ATP6V1G3: variants seen among roughly 807,000 people sequenced by gnomAD.
ATP6V1G3 encodes the protein V-type proton ATPase subunit G 3.
ATP6V1G3 carries 9 observed loss-of-function variants against 9.3 expected under a neutral mutation model. The observed-to-expected ratio is 0.97, with a 90% CI of 0.59 to 1.69. The LOEUF (loss-of-function observed/expected upper bound fraction) is 1.69. Among genes scored for constraint, ATP6V1G3 ranks in the 40% most tolerant of loss-of-function variants. The pLI, the probability that ATP6V1G3 is intolerant of heterozygous loss-of-function variation, is 0.00. For missense variants in ATP6V1G3, 133 were observed against 139.0 expected, an observed-to-expected ratio of 0.96 and a Z score of 0.22; for synonymous variants, 43 against 43.8, an observed-to-expected ratio of 0.98 and a Z score of 0.07.
At position 198,529,108 on chromosome 1, in the gene ATP6V1G3, A is replaced by G. The variant is rs1219714753; in HGVS notation, c.156T>C (p.Asp52=). The change falls in exon 2 of 3, where the codon GAT becomes GAC. Residue 52 remains aspartate (D), a synonymous_variant. Transcript: ENST00000367382. Reference sequence around the variant, plus strand: ...TAGATTGTTTTAGTCGAAACTCTTTATCTCTCTGCATTCTGTACTGGTCAA... The same window carrying G: ...TAGATTGTTTTAGTCGAAACTCTTTGTCTCTCTGCATTCTGTACTGGTCAA... ...VEIDQYRMQR[D]KEFRLKQSKI... 6.5e-7 allele frequency: 1 copy of G among 1,541,666 alleles called. No homozygotes were observed. The highest frequency in any genetic ancestry group is 8.8e-7 in the Non-Finnish European group (1 of 1,139,486).
In ATP6V1G3 at chr1:198,532,078, G is replaced by T. The variant is rs543291776; in HGVS notation, c.83-2897C>A. Among the ~76,000 whole-genome samples the T allele has an allele frequency of 1.0e-3, 157 of 152,224 alleles. 3 individuals carry two copies. The South Asian group carries it at 0.025, about 24-fold the overall frequency. Reference sequence around the variant, plus strand: ...CCTGAGGATATTTAATTGGAGGTATGCAGACGACAGCTGGGGAGACAAAAT... The same window carrying T: ...CCTGAGGATATTTAATTGGAGGTATTCAGACGACAGCTGGGGAGACAAAAT... On this transcript the variant is annotated intron_variant, in intron 1 of 2. Transcript: ENST00000367382.
At chr1:198,538,409 A>G (rs559122705) in intron 1 of ATP6V1G3, among the ~76,000 whole-genome samples, 137 of 152,302 alleles carry the variant, frequency 9.0e-4, no homozygotes, top group Middle Eastern at 3.4e-3. Flanking sequence ...GCTTGCATGT[A>G]TAGCAATTCT....
chr1:198,527,690 G>A (rs1558176901), intron 2 of ATP6V1G3, among the ~76,000 whole-genome samples: 1 of 152,134 alleles, frequency 6.6e-6, no homozygotes, highest in Non-Finnish European at 1.5e-5. Flanking sequence ...TGTCTACTGT[G>A]TGGCAGGCAC....
At chr1:198,531,106 A>G (rs969813211) in intron 1 of ATP6V1G3, among the ~76,000 whole-genome samples, 2 of 152,078 alleles carry the variant, frequency 1.3e-5, no homozygotes. Context: ...TGACAGGCTC[A>G]GAGCGTGTCT....
intron 1 of ATP6V1G3, among the ~76,000 whole-genome samples, chr1:198,538,986 CTT>C (rs1660239963): frequency 6.6e-6 from 1 of 151,968 alleles, no homozygotes; most frequent in Admixed American, 6.5e-5. Context: ...TCCTGAACTG[CTT>C]TGTTTTCTAT....
chr1:198,529,302 G>A (rs1018721146), intron 1 of ATP6V1G3, 121 bp from the exon 2 acceptor site: 19 of 219,862 alleles, frequency 8.6e-5, no homozygotes, highest in South Asian at 7.0e-4. Context: ...TGTTACACAC[G>A]TATGCATATG....
intron 1 of ATP6V1G3, 26 bp downstream of exon 1, chr1:198,540,543 A>G (rs1424838023): frequency 5.0e-6 from 8 of 1,602,534 alleles, no homozygotes; most frequent in Non-Finnish European, 6.8e-6. Flanking sequence ...TTATTTCGTG[A>G]CAGACCCCTC....
intron 2 of ATP6V1G3, among the ~76,000 whole-genome samples, chr1:198,526,147 G>A: frequency 6.6e-6 from 1 of 152,070 alleles, no homozygotes; most frequent in Middle Eastern, 3.2e-3. Flanking sequence ...TTCCTATGCA[G>A]TACTATAACA....
chr1:198,527,090 C>T (rs1187800049), intron 2 of ATP6V1G3, among the ~76,000 whole-genome samples: 2 of 152,112 alleles, frequency 1.3e-5, no homozygotes, highest in Non-Finnish European at 2.9e-5. Context: ...AAAGTAACAT[C>T]AAGATACAAC....
intron 2 of ATP6V1G3, among the ~76,000 whole-genome samples, chr1:198,525,211 T>C (rs565662802): frequency 6.6e-4 from 100 of 152,314 alleles, no homozygotes; most frequent in African/African-American, 2.4e-3. Context: ...TCAAAATTTT[T>C]CCTCTAAATT....
intron 2 of ATP6V1G3, among the ~76,000 whole-genome samples, chr1:198,525,988 A>G (rs1170959420): frequency 2.0e-5 from 3 of 152,170 alleles, no homozygotes; most frequent in Admixed American, 6.6e-5. Flanking sequence ...TTTTACTTGT[A>G]CTTTTCAAAT....
At chr1:198,538,188 G>GA (rs1186340072) in intron 1 of ATP6V1G3, among the ~76,000 whole-genome samples, 11 of 151,904 alleles carry the variant, frequency 7.2e-5, no homozygotes, top group African/African-American at 2.7e-4. Context: ...GGTAGATTAA[G>GA]AAAAAAATAT....
At chr1:198,529,218 T>TTA in intron 1 of ATP6V1G3, 37 bp from the exon 2 acceptor site, 1 of 388,508 alleles carries the variant, frequency 2.6e-6, no homozygotes. Flanking sequence ...ATATATATAA[T>TTA]TATATATATC....
At chr1:198,529,058 A>T in intron 2 of ATP6V1G3, 23 bp downstream of exon 2, 2 of 1,146,264 alleles carry the variant, frequency 1.7e-6, no homozygotes, top group South Asian at 2.7e-5. Context: ...TGCATAAGAA[A>T]CAGTGCTGAC....
chr1:198,540,652 G>A lies in ATP6V1G3; in HGVS notation c.-2C>T, dbSNP rs1389547265. ...GATCCCCTGAGACTGGCTTGTCATG[G>A]TAGTCTGCTCCAAGCAAGTGGCTTC... is the stretch of plus-strand genomic sequence containing the variant. On this transcript the variant is annotated 5_prime_UTR_variant, in exon 1 of 3. Coordinates refer to ENST00000367382, the MANE Select transcript of ATP6V1G3 (RefSeq NM_001376861.1). The A allele has an allele frequency of 6.2e-7, 1 of 1,613,872 alleles. No individual in the cohort carries two copies. Among genetic ancestry groups the A allele is most frequent in the East Asian group, 2.2e-5 (1 of 44,884 alleles).
rs188618997 is a variant in ATP6V1G3 at position 198,535,635 on chromosome 1, C to A, written c.82+4934G>T. 9.7e-4 allele frequency among the ~76,000 whole-genome samples: 148 copies of A among 152,108 alleles called. 2 individuals are homozygous for A. The highest frequency in any genetic ancestry group is 3.5e-3 in the African/African-American group (144 of 41,490). On this transcript the variant is annotated intron_variant, in intron 1 of 2. Transcript: ENST00000367382. ...TTATTGGATATTAAAATAATATTAA[C>A]AGCTAAAATTTCTTGAGCACCTTCT...
At chr1:198,536,600 G>T in intron 1 of ATP6V1G3, 1 of 1,241,704 alleles carries the variant, frequency 8.1e-7, no homozygotes, top group South Asian at 1.7e-5. Context: ...ACATAAAAAT[G>T]AGTGAGAGCT....
At chr1:198,528,998 C>A in intron 2 of ATP6V1G3, 83 bp downstream of exon 2, 1 of 543,792 alleles carries the variant, frequency 1.8e-6, no homozygotes, top group Admixed American at 2.9e-5. Context: ...ATATTTTTTT[C>A]TGTCAATATC....
At chr1:198,526,076 A>G (rs1659640638) in intron 2 of ATP6V1G3, among the ~76,000 whole-genome samples, 1 of 152,176 alleles carries the variant, frequency 6.6e-6, no homozygotes, top group Admixed American at 6.6e-5. Flanking sequence ...ATCCTGCATA[A>G]TTAAACAAAA....
Sources: allele counts gnomAD v4.1 joint callset (sites outside exome capture counted in the v4.1 genomes callset), GRCh38; gene constraint gnomAD v4.1.1; transcripts MANE v1.5; gene names NCBI Gene and HGNC (gene_info 2026-07-23, HGNC 2026-07-21).